The following IST1 variants were observed in gnomAD, a reference collection of about 807,000 sequenced individuals.
The protein encoded by IST1 is IST1 homolog.
Under a neutral mutation model 37.0 loss-of-function variants are expected in IST1, and 23 were observed. The ratio of observed to expected loss-of-function variants is 0.62; its 90% CI spans 0.45 to 0.88. The LOEUF (loss-of-function observed/expected upper bound fraction) is 0.88, where lower values mean the gene tolerates loss of function less well. Ranked by LOEUF, IST1 falls within the 40% of genes least tolerant of loss-of-function variation. The probability of loss-of-function intolerance (pLI) is 0.00; values close to 1 mark genes in which losing one functional copy is unlikely to be tolerated. For synonymous variants in IST1, 180 were observed against 161.7 expected (o/e 1.11, Z -0.86); for missense variants, 488 against 445.4 (o/e 1.10, Z -0.86).
chr16:71,899,981 A>G (rs2037066104), intron 1 of IST1, among the ~76,000 whole-genome samples: 1 of 147,770 alleles, frequency 6.8e-6, no homozygotes, highest in Non-Finnish European at 1.5e-5. Context: ...TCGGCGACAG[A>G]ACAAGACTCT....
chr16:71,921,803 T>G, intron 6 of IST1: 1 of 234,934 alleles, frequency 4.3e-6, no homozygotes, highest in African/African-American at 2.3e-5. Context: ...ATGTGTCTGA[T>G]AGTGCACAGA....
Position 71,929,872 on chromosome 16 carries a change from A to T in IST1, c.*2059A>T, listed in dbSNP as rs966267243. 117 of 983,190 alleles carry T rather than the reference A, an allele frequency of 1.2e-4. No individual in the cohort carries two copies. Among genetic ancestry groups the T allele is most frequent in the Middle Eastern group, 6.5e-4 (2 of 3,064 alleles). The allele number at this position is 983,190 out of a possible 1,614,324, so 60.9% of individuals were successfully genotyped here. A position where few individuals can be genotyped will look rare whatever the true frequency, so the allele number is the denominator to read the frequency against. On this transcript the variant is annotated 3_prime_UTR_variant, in exon 10 of 10. Transcript: ENST00000378799. ...CTATTTATAGGACAATGGCTATAGA[A>T]TATTATGTAGTCTTATAAATTGGGT...
In IST1 at chr16:71,916,709, T is replaced by G. The variant is rs540480573; in HGVS notation, c.269+67T>G. On this transcript the variant is annotated intron_variant, in intron 3 of 9. Transcript: ENST00000378799. ...TTGAGAAAGGAGTAATATGATCTCTTTCTGCATTAAGGGACTATTTCACAT... is the reference window on the plus strand; with the variant it reads ...TTGAGAAAGGAGTAATATGATCTCTGTCTGCATTAAGGGACTATTTCACAT... 9.1e-5 allele frequency: 124 copies of G among 1,369,350 alleles called. 1 individual carries two copies. The South Asian group carries it at 1.2e-3, about 13-fold the overall frequency. 84.8% of individuals were successfully genotyped at this position (1,369,350 alleles called of 1,614,324 possible).
At position 71,895,554 on chromosome 16, in the gene IST1, T is replaced by G; in HGVS notation, c.-51T>G. On this transcript the variant is annotated 5_prime_UTR_variant, in exon 1 of 10. Coordinates refer to ENST00000378799, the MANE Select transcript of IST1 (RefSeq NM_001270975.2). ...CCATTTTGGATGGTGAACCCTGAAG[T>G]CGGTGTCTGCTGCGTTCACGGCAGG... 7.1e-6 allele frequency: 7 copies of G among 985,620 alleles called. No individual in the cohort carries two copies. The highest frequency in any genetic ancestry group is 1.7e-5 in the African/African-American group (1 of 57,348). 61.1% of individuals were successfully genotyped at this position (985,620 alleles called of 1,614,324 possible). A position where few individuals can be genotyped will look rare whatever the true frequency, so the allele number is the denominator to read the frequency against.
At chr16:71,920,666 G>T in intron 4 of IST1, 73 bp from the exon 5 acceptor site, 1 of 1,063,692 alleles carries the variant, frequency 9.4e-7, no homozygotes, top group Non-Finnish European at 1.5e-6. Flanking sequence ...CGTGTTTACT[G>T]TTGCCAGGAA....
chr16:71,928,862 G>C lies in IST1; in HGVS notation c.*1049G>C, dbSNP rs2037817583. On this transcript the variant is annotated 3_prime_UTR_variant, in exon 10 of 10. Coordinates refer to ENST00000378799, the MANE Select transcript of IST1 (RefSeq NM_001270975.2). ...TAGCTAAGGTCATCCTTCCCCACAG[G>C]GGTGGCTTTGGGATTGGATGATACA... 6.6e-6 allele frequency: 1 copy of C among 152,192 alleles called. No homozygotes were observed. The highest frequency in any genetic ancestry group is 6.5e-5 in the Admixed American group (1 of 15,276). 9.4% of individuals were successfully genotyped at this position (152,192 alleles called of 1,614,324 possible).
intron 1 of IST1, among the ~76,000 whole-genome samples, chr16:71,907,938 C>CAA (rs2037262532): frequency 6.6e-6 from 1 of 152,118 alleles, no homozygotes; most frequent in African/African-American, 2.4e-5. Context: ...AGATTTGTCT[C>CAA]CTCTTTATGT....
Position 71,902,556 on chromosome 16 carries a change from C to T in IST1, c.-16+6967C>T, listed in dbSNP as rs546495946. 3.9e-5 allele frequency among the ~76,000 whole-genome samples: 6 copies of T among 152,338 alleles called. No homozygotes were observed. The East Asian group carries it at 1.2e-3, about 29-fold the overall frequency. On this transcript the variant is annotated intron_variant, in intron 1 of 9. Coordinates refer to ENST00000378799, the MANE Select transcript of IST1 (RefSeq NM_001270975.2). ...AAGTGCTGGGATTATAGGCGTAAGC[C>T]ACCGCGCCCAGCCTAGATTCAATTT...
chr16:71,918,790 A>T (rs2037519429), intron 4 of IST1, among the ~76,000 whole-genome samples: 1 of 152,224 alleles, frequency 6.6e-6, no homozygotes, highest in South Asian at 2.1e-4. Flanking sequence ...CTCAAAAGCC[A>T]TAAACAGAGT....
chr16:71,904,612 G>C (rs1343421666), intron 1 of IST1, among the ~76,000 whole-genome samples: 3 of 152,120 alleles, frequency 2.0e-5, no homozygotes, highest in African/African-American at 7.2e-5. Flanking sequence ...ATGGGATCTT[G>C]CTCTTAGTCT....
chr16:71,917,063 C>G lies in IST1; in HGVS notation c.286C>G (p.Leu96Val), dbSNP rs2037481443. Reference protein sequence around the residue: ...IQSMKELDSGLAESVSTLIWA... With the variant: ...IQSMKELDSGVAESVSTLIWA... ...CTTGATTAGGGAACTAGATTCTGGT[C>G]TGGCTGAATCTGTGTCTACATTGAT... Residue 96 changes from leucine (L) to valine (V), a missense_variant, in exon 4 of 10, where the codon CTG becomes GTG. This residue lies in a region of IST1 where 455 missense variants were observed against 386.2 expected (regional missense o/e 1.18). Coordinates refer to ENST00000378799, the MANE Select transcript of IST1 (RefSeq NM_001270975.2). The G allele has an allele frequency of 1.2e-6, 2 of 1,603,882 alleles. No individual in the cohort carries two copies. Among genetic ancestry groups the G allele is most frequent in the East Asian group, 2.2e-5 (1 of 44,822 alleles).
intron 1 of IST1, among the ~76,000 whole-genome samples, 174 bp from the exon 2 acceptor site, chr16:71,915,448 CCAAT>C (rs576752472): frequency 8.3e-4 from 127 of 152,248 alleles, no homozygotes; most frequent in Middle Eastern, 3.4e-3. Flanking sequence ...TTATCCTTCC[CCAAT>C]CAGTTTTTTT....
rs1210436965 is a variant in IST1, at chr16:71,930,258, T to C, written c.*2445T>C. 7.2e-7 allele frequency: 1 copy of C among 1,387,300 alleles called. No individual in the cohort carries two copies. The highest frequency in any genetic ancestry group is 9.5e-7 in the Non-Finnish European group (1 of 1,051,576). The allele number at this position is 1,387,300 out of a possible 1,614,324, so 85.9% of individuals were successfully genotyped here. On this transcript the variant is annotated 3_prime_UTR_variant, in exon 10 of 10. Coordinates refer to ENST00000378799, the MANE Select transcript of IST1 (RefSeq NM_001270975.2). ...TTTACAAACATAAGCTATATGCTAG[T>C]GTTTGGGATCTTATCAGAAGAAAAG...
intron 1 of IST1, among the ~76,000 whole-genome samples, chr16:71,904,079 T>A (rs970826670): frequency 6.6e-6 from 1 of 152,128 alleles, no homozygotes; most frequent in Non-Finnish European, 1.5e-5. Flanking sequence ...GAAGTCTACT[T>A]TGTCTGATTT....
chr16:71,916,361 A>G (rs2037465922), intron 2 of IST1, 101 bp from the exon 3 acceptor site: 2 of 1,108,402 alleles, frequency 1.8e-6, no homozygotes, highest in South Asian at 1.4e-5. Flanking sequence ...GAGCTAGGAT[A>G]TAGTAGAAAC....
At chr16:71,911,824 C>T (rs931746819) in intron 1 of IST1, among the ~76,000 whole-genome samples, 1 of 151,396 alleles carries the variant, frequency 6.6e-6, no homozygotes, top group African/African-American at 2.4e-5. Flanking sequence ...TCCAGTGATC[C>T]TCCCACTCCT....
At chr16:71,916,996 T>G in intron 3 of IST1, 51 bp from the exon 4 acceptor site, 6 of 1,193,534 alleles carry the variant, frequency 5.0e-6, no homozygotes, top group Non-Finnish European at 7.3e-6. Context: ...AAAGCTAGGA[T>G]TTTGTTGGTT....
rs1234589864 is a variant in IST1 at position 71,931,036 on chromosome 16, A to G, written c.*3223A>G. On this transcript the variant is annotated 3_prime_UTR_variant, in exon 10 of 10. Transcript: ENST00000378799. ...TCTCTGAGTTTGTGATACAAGACTTATTTCCAATAAGTTTATTTTTATGTA... is the reference window on the plus strand; with the variant it reads ...TCTCTGAGTTTGTGATACAAGACTTGTTTCCAATAAGTTTATTTTTATGTA... 1 of 152,184 alleles carries G rather than the reference A, an allele frequency of 6.6e-6. No individual in the cohort carries two copies. Among genetic ancestry groups the G allele is most frequent in the East Asian group, 1.9e-4 (1 of 5,194 alleles). 9.4% of individuals were successfully genotyped at this position (152,184 alleles called of 1,614,324 possible).
chr16:71,904,402 G>A (rs1233502753), intron 1 of IST1, among the ~76,000 whole-genome samples: 4 of 152,176 alleles, frequency 2.6e-5, no homozygotes, highest in African/African-American at 4.8e-5. Flanking sequence ...GATTACAGGC[G>A]TGAGCCATTG....
Sources: gnomAD v4.1 joint callset for allele counts (sites outside exome capture counted in the v4.1 genomes callset) on GRCh38, gnomAD v4.1.1 for gene constraint, gnomAD v4.1.1 regional missense constraint, MANE v1.5 for transcripts, NCBI Gene and HGNC (gene_info 2026-07-23, HGNC 2026-07-21) for gene names.